The following MUC4 variants were observed in gnomAD, a reference collection of about 807,000 sequenced individuals.
MUC4 encodes mucin-4.
In MUC4, 202 loss-of-function variants were observed where a neutral mutation model predicts 257.9. That is an observed-to-expected ratio of 0.78 (90% confidence interval 0.70 to 0.88). The LOEUF (loss-of-function observed/expected upper bound fraction) is 0.88, where lower values mean the gene tolerates loss of function less well. Ranked by LOEUF, MUC4 falls within the 40% of genes least tolerant of loss-of-function variation. MUC4 has a pLI of 0.00. For missense variants in MUC4, 5,976 were observed against 6,513.7 expected, an observed-to-expected ratio of 0.92 and a Z score of 2.84; for synonymous variants, 2,351 against 2,757.1, an observed-to-expected ratio of 0.85 and a Z score of 4.62.
intron 8 of MUC4, 51 bp downstream of exon 8, chr3:195,766,612 G>A: frequency 6.6e-7 from 1 of 1,524,562 alleles, no homozygotes; most frequent in African/African-American, 1.4e-5. Flanking sequence ...TGGGCTGGAG[G>A]ACACGCGAGG....
Position 195,811,810 on chromosome 3 carries a change from C to G in MUC4, c.8G>C (p.Gly3Ala). MK[G>A]ARWRRVPWVS... is the part of the protein sequence containing the mutation. ...CCAGGGGACCCTCCTCCAGCGTGCC[C>G]CCTTCATGGCTGCGGCAAAAGTCCC... Residue 3 changes from glycine to alanine, a missense_variant, in exon 1 of 25, where the codon GGG becomes GCG. Transcript: ENST00000463781. 6.2e-7 allele frequency: 1 copy of G among 1,613,776 alleles called. No individual in the cohort carries two copies. Among genetic ancestry groups the G allele is most frequent in the Non-Finnish European group, 8.5e-7 (1 of 1,179,892 alleles).
In MUC4 at chr3:195,781,951, G is replaced by A. The variant is rs773435379; in HGVS notation, c.9629C>T (p.Ser3210Phe). ...PLLVTDASSA[S>F]TGQATPLPVT... Reference sequence around the variant, plus strand: ...AGGAAGAGGGGTGGCCTGACCTGTGGATGCTGAGGAAGCGTCGGTGACAAG... The same window carrying A: ...AGGAAGAGGGGTGGCCTGACCTGTGAATGCTGAGGAAGCGTCGGTGACAAG... The change falls in exon 2 of 25, where the codon TCC (serine) becomes TTC (phenylalanine). Residue 3210 changes from serine (S) to phenylalanine (F), a missense_variant. Ser to Phe is a radical substitution (Grantham distance 155). Transcript: ENST00000463781. 281 of 1,449,556 alleles carry A rather than the reference G, an allele frequency of 1.9e-4. 20 individuals carry two copies. In the African/African-American group the frequency reaches 4.2e-3, roughly 22 times the overall value. 89.8% of individuals were successfully genotyped at this position (1,449,556 alleles called of 1,614,324 possible).
rs954710581 is a variant in MUC4 at position 195,762,817 on chromosome 3, C to T, written c.14344+38G>A. On this transcript the variant is annotated intron_variant, in intron 13 of 24. Transcript: ENST00000463781. ...GGCTTCCCGCCCACCTCGCTGCTCC[C>T]GGTGCGGGGAGGGGGCGGCCGGCGC... 1.0e-5 allele frequency: 15 copies of T among 1,496,454 alleles called. No individual in the cohort carries two copies. The African/African-American group carries it at 1.8e-4, about 18-fold the overall frequency. The allele number at this position is 1,496,454 out of a possible 1,614,324, so 92.7% of individuals were successfully genotyped here.
Position 195,781,789 on chromosome 3 carries a change from G to T in MUC4, c.9791C>A (p.Ser3264Tyr), listed in dbSNP as rs1260213383. Reference protein sequence around the residue: ...TSSASTGDTTSLPVTDTSSAY... With the variant: ...TSSASTGDTTYLPVTDTSSAY... Reference sequence around the variant, plus strand: ...TGAGGAAGTGTCGGTGACAGGAAGAGAGGTGGTGTCACCTGTGGATGCTGA... The same window carrying T: ...TGAGGAAGTGTCGGTGACAGGAAGATAGGTGGTGTCACCTGTGGATGCTGA... The change falls in exon 2 of 25, where the codon TCT becomes TAT. Residue 3264 changes from serine (S) to tyrosine (Y), a missense_variant. Physicochemically the swap from Ser to Tyr is moderately radical, Grantham distance 144 (BLOSUM62 -2). Transcript: ENST00000463781. 9 of 1,115,928 alleles carry T rather than the reference G, an allele frequency of 8.1e-6. 1 individual carries two copies. Among genetic ancestry groups the T allele is most frequent in the Non-Finnish European group, 1.0e-5 (9 of 880,224 alleles). 69.1% of individuals were successfully genotyped at this position (1,115,928 alleles called of 1,614,324 possible).
intron 1 of MUC4, among the ~76,000 whole-genome samples, chr3:195,805,712 G>T (rs917062679): frequency 6.6e-6 from 1 of 151,990 alleles, no homozygotes; most frequent in East Asian, 1.9e-4. Context: ...GGCCAGTCTG[G>T]TCTCAAACTC....
intron 1 of MUC4, among the ~76,000 whole-genome samples, chr3:195,800,095 T>A (rs1334383661): frequency 6.6e-6 from 1 of 152,004 alleles, no homozygotes; most frequent in Non-Finnish European, 1.5e-5. Flanking sequence ...CTGGCCAACA[T>A]GATGAAACCC....
At position 195,762,918 on chromosome 3, in the gene MUC4, C is replaced by T. The variant is rs866803659; in HGVS notation, c.14281G>A (p.Ala4761Thr). The T allele has an allele frequency of 1.9e-6, 3 of 1,568,832 alleles. No homozygotes were observed. Among genetic ancestry groups the T allele is most frequent in the Non-Finnish European group, 2.6e-6 (3 of 1,158,706 alleles). Residue 4761 changes from alanine (A) to threonine (T), a missense_variant, in exon 13 of 25, where the codon GCA becomes ACA. By Grantham distance (58) the Ala-to-Thr change is moderately conservative. This residue lies in a region of MUC4 where 996 missense variants were observed against 1,137.3 expected (regional missense o/e 0.88). Transcript: ENST00000463781. ...TVQWLLEPHD[A>T]IRVLLDNQTV... ...TGGTTATCCAGCAGGACACGGATTGCGTCGTGAGGCTCAAGGAGCCATTGG... is the reference window on the plus strand; with the variant it reads ...TGGTTATCCAGCAGGACACGGATTGTGTCGTGAGGCTCAAGGAGCCATTGG...
chr3:195,804,064 T>C (rs1379499587), intron 1 of MUC4, among the ~76,000 whole-genome samples: 1 of 152,196 alleles, frequency 6.6e-6, no homozygotes, highest in Non-Finnish European at 1.5e-5. Context: ...TGTCATTGAG[T>C]AAAACGGATA....
chr3:195,753,918 G>A, intron 19 of MUC4: 1 of 380,352 alleles, frequency 2.6e-6, no homozygotes, highest in South Asian at 1.1e-4. Flanking sequence ...TTTCGCCCGG[G>A]GCTCCCCCCA....
chr3:195,773,356 G>T (rs942150812), intron 4 of MUC4, among the ~76,000 whole-genome samples: 1 of 149,832 alleles, frequency 6.7e-6, no homozygotes, highest in Non-Finnish European at 1.5e-5. Flanking sequence ...TCGCTCAGGG[G>T]TGTAGACACC....
Position 195,754,289 on chromosome 3 carries a change from C to G in MUC4, c.15252G>C (p.Pro5084=), listed in dbSNP as rs754614270. The change falls in exon 19 of 25, where the codon CCG becomes CCC. Residue 5084 remains proline, a synonymous_variant. Transcript: ENST00000463781. Reference sequence around the variant, plus strand: ...CCTTCCCAGGAACGCAGTGGACACTCGGGAAGCACGGCTCCTCACAGGCAT... The same window carrying G: ...CCTTCCCAGGAACGCAGTGGACACTGGGGAAGCACGGCTCCTCACAGGCAT... ...SEDACEEPCF[P]SVHCVPGKGC... 6 of 1,613,908 alleles carry G rather than the reference C, an allele frequency of 3.7e-6. No individual in the cohort carries two copies. The highest frequency in any genetic ancestry group is 5.1e-6 in the Non-Finnish European group (6 of 1,180,010).
At chr3:195,811,123 T>C (rs1274398248) in intron 1 of MUC4, among the ~76,000 whole-genome samples, 1 of 151,314 alleles carries the variant, frequency 6.6e-6, no homozygotes, top group Non-Finnish European at 1.5e-5. Context: ...TTTTCTCCTC[T>C]TCTTATTTTT....
rs919660363 is a variant in MUC4, at chr3:195,759,411, G to C, written c.14849-150C>G. On this transcript the variant is annotated intron_variant, in intron 16 of 24. Coordinates refer to ENST00000463781, the MANE Select transcript of MUC4 (RefSeq NM_018406.7). ...GGAATTATTCTGTGTACCTGCTCTC[G>C]ACTGACGCACAGCAGGCTGGGACTG... 20 of 1,101,022 alleles carry C rather than the reference G, an allele frequency of 1.8e-5. No homozygotes were observed. In the Middle Eastern group the frequency reaches 1.2e-3, roughly 66 times the overall value. 68.2% of individuals were successfully genotyped at this position (1,101,022 alleles called of 1,614,324 possible).
chr3:195,774,524 A>G (rs1056858806), intron 3 of MUC4, among the ~76,000 whole-genome samples: 1 of 152,164 alleles, frequency 6.6e-6, no homozygotes, highest in African/African-American at 2.4e-5. Context: ...ATCCTTCCCC[A>G]GCTTGGAGAA....
chr3:195,765,303 G>T lies in MUC4; in HGVS notation c.13765C>A (p.Arg4589=). Residue 4589 remains arginine, a synonymous_variant, in exon 9 of 25, where the codon CGA becomes AGA. Coordinates refer to ENST00000463781, the MANE Select transcript of MUC4 (RefSeq NM_018406.7). ...VSCPCSWQQG[R]RDLRFQPVSI... Reference sequence around the variant, plus strand: ...ACGGGTTGGAATCGTAAGTCCCGTCGTCCCTGCTGCCAGGAACAAGGGCAG... The same window carrying T: ...ACGGGTTGGAATCGTAAGTCCCGTCTTCCCTGCTGCCAGGAACAAGGGCAG... The T allele has an allele frequency of 6.2e-7, 1 of 1,613,572 alleles. No individual in the cohort carries two copies. Among genetic ancestry groups the T allele is most frequent in the Non-Finnish European group, 8.5e-7 (1 of 1,179,868 alleles).
chr3:195,797,512 C>G (rs996350269), intron 1 of MUC4, among the ~76,000 whole-genome samples: 1 of 152,110 alleles, frequency 6.6e-6, no homozygotes, highest in Admixed American at 6.5e-5. Context: ...TAAACAATGT[C>G]AATTATAACC....
At chr3:195,760,852 G>A (rs1718732703) in intron 16 of MUC4, 32 bp downstream of exon 16, 2 of 1,594,978 alleles carry the variant, frequency 1.3e-6, no homozygotes, top group Admixed American at 1.7e-5. Context: ...TCCCGACTCT[G>A]AAAAGGCCTC....
At chr3:195,773,600 G>A (rs1243421975) in intron 4 of MUC4, among the ~76,000 whole-genome samples, 1 of 138,166 alleles carries the variant, frequency 7.2e-6, no homozygotes, top group African/African-American at 2.6e-5. Flanking sequence ...CTCAGCAGGT[G>A]TGGACACCCT....
At position 195,746,928 on chromosome 3, in the gene MUC4, G is replaced by C. The variant is rs1560207159; in HGVS notation, c.*248C>G. On this transcript the variant is annotated 3_prime_UTR_variant, in exon 25 of 25. Coordinates refer to ENST00000463781, the MANE Select transcript of MUC4 (RefSeq NM_018406.7). ...TGTGCACGCGCGCGTGCACAGGCTA[G>C]TGTCCTTCTGTGGGTGTGTCTGCGT... is the stretch of plus-strand genomic sequence containing the variant. 40 of 609,346 alleles carry C rather than the reference G, an allele frequency of 6.6e-5. No individual in the cohort carries two copies. The South Asian group carries it at 8.1e-4, about 12-fold the overall frequency. 37.7% of individuals were successfully genotyped at this position (609,346 alleles called of 1,614,324 possible). A position where few individuals can be genotyped will look rare whatever the true frequency, so the allele number is the denominator to read the frequency against.
Sources: allele counts gnomAD v4.1 joint callset (sites outside exome capture counted in the v4.1 genomes callset), GRCh38; gene constraint gnomAD v4.1.1; regional missense constraint gnomAD v4.1.1; transcripts MANE v1.5; gene names NCBI Gene and HGNC (gene_info 2026-07-23, HGNC 2026-07-21).